Variants in SPAG16 observed in about 807,000 individuals in gnomAD.
SPAG16 encodes sperm associated antigen 16.
A neutral mutation model predicts 80.4 loss-of-function variants in SPAG16; 86 were observed. The ratio of observed to expected loss-of-function variants is 1.07; its 90% CI spans 0.90 to 1.28. The LOEUF (loss-of-function observed/expected upper bound fraction) is 1.28, where lower values mean the gene tolerates loss of function less well. SPAG16 is among the 50% of genes most tolerant of loss of function. The probability of loss-of-function intolerance (pLI) is 0.00; values close to 1 mark genes in which losing one functional copy is unlikely to be tolerated. For missense variants in SPAG16, 870 were observed against 765.3 expected, an observed-to-expected ratio of 1.14 and a Z score of -1.61; for synonymous variants, 294 against 265.9, an observed-to-expected ratio of 1.11 and a Z score of -1.03.
intron 15 of SPAG16, among the ~76,000 whole-genome samples, chr2:214,387,987 GA>G (rs146697255): frequency 0.053 from 8,027 of 151,690 alleles, 335 homozygotes; most frequent in Non-Finnish European, 0.076. Context: ...TCCAAGTGAT[GA>G]AAAAAATACC....
At chr2:214,279,225 T>C (rs577979898) in intron 15 of SPAG16, among the ~76,000 whole-genome samples, 3 of 152,102 alleles carry the variant, frequency 2.0e-5, no homozygotes, top group African/African-American at 7.2e-5. Context: ...GCCTCCCAAG[T>C]AGCTGGGCCT....
chr2:214,166,001 A>T (rs1415201486), intron 15 of SPAG16, among the ~76,000 whole-genome samples: 3 of 152,224 alleles, frequency 2.0e-5, no homozygotes, highest in Non-Finnish European at 4.4e-5. Context: ...ACTGAAGATT[A>T]TCTGAAAATA....
chr2:214,077,392 C>T (rs1381050851), intron 13 of SPAG16, among the ~76,000 whole-genome samples: 3 of 152,156 alleles, frequency 2.0e-5, no homozygotes. Flanking sequence ...TGAAGATTCC[C>T]AGTTTTATGT....
At chr2:213,485,754 G>C (rs2073946121) in intron 9 of SPAG16, among the ~76,000 whole-genome samples, 1 of 152,042 alleles carries the variant, frequency 6.6e-6, no homozygotes, top group South Asian at 2.1e-4. Context: ...TCCTGTGAAT[G>C]TTAGTTCAAT....
chr2:213,674,933 A>G (rs571805591), intron 10 of SPAG16, among the ~76,000 whole-genome samples: 51 of 149,886 alleles, frequency 3.4e-4, no homozygotes, highest in African/African-American at 1.1e-3. Flanking sequence ...TGGTATTTCT[A>G]GTTCTAGATC....
chr2:214,096,892 A>T lies in SPAG16; in HGVS notation c.1528-11304A>T, dbSNP rs146360887. Among the ~76,000 whole-genome samples, 1,123 of 152,148 alleles carry T rather than the reference A, an allele frequency of 7.4e-3. 16 individuals are homozygous for T. The highest frequency in any genetic ancestry group is 0.025 in the African/African-American group (1,050 of 41,528). On this transcript the variant is annotated intron_variant, in intron 13 of 15. Coordinates refer to ENST00000331683, the MANE Select transcript of SPAG16 (RefSeq NM_024532.5). ...CTTTGTTAATGATTACTCTGTTTCT[A>T]ATTTATATGCCAGTGAGATCATTTC...
chr2:214,229,168 G>A (rs920748750), intron 15 of SPAG16, among the ~76,000 whole-genome samples: 1 of 148,844 alleles, frequency 6.7e-6, no homozygotes, highest in Non-Finnish European at 1.5e-5. Context: ...AAAAAAAAAG[G>A]ATAATTTCAC....
intron 15 of SPAG16, among the ~76,000 whole-genome samples, chr2:214,245,860 A>G (rs1689803931): frequency 6.6e-6 from 1 of 152,220 alleles, no homozygotes. Flanking sequence ...ATATGTGTTC[A>G]AATATTCCCT....
At chr2:213,424,643 TA>T (rs1033059372) in intron 9 of SPAG16, among the ~76,000 whole-genome samples, 30 of 152,220 alleles carry the variant, frequency 2.0e-4, no homozygotes, top group African/African-American at 7.0e-4. Flanking sequence ...TCTAATGGCA[TA>T]AAAAATAAAT....
chr2:213,914,066 T>C (rs1239275539), intron 11 of SPAG16, among the ~76,000 whole-genome samples: 1 of 152,144 alleles, frequency 6.6e-6, no homozygotes, highest in Non-Finnish European at 1.5e-5. Context: ...TGTGGTAGCA[T>C]AGCTTAGTAA....
chr2:214,042,307 C>A (rs928385534), intron 13 of SPAG16, among the ~76,000 whole-genome samples: 2 of 151,718 alleles, frequency 1.3e-5, no homozygotes, highest in Non-Finnish European at 2.9e-5. Context: ...TTAAACTTGA[C>A]CCGGATATAT....
intron 12 of SPAG16, among the ~76,000 whole-genome samples, chr2:213,980,173 C>T (rs890518930): frequency 3.4e-5 from 5 of 147,300 alleles, no homozygotes; most frequent in Admixed American, 1.4e-4. Context: ...GGTGAAACCC[C>T]GTCTCTACTA....
In SPAG16 at chr2:213,914,054, A is replaced by G. The variant is rs375938253; in HGVS notation, c.1215-15906A>G. 3.9e-5 allele frequency among the ~76,000 whole-genome samples: 6 copies of G among 152,278 alleles called. No homozygotes were observed. In the South Asian group the frequency reaches 1.0e-3, roughly 26 times the overall value. ...TATTTAGACTGATGTTTGACCAAAC[A>G]TTGTGGTAGCATAGCTTAGTAAAAC... On this transcript the variant is annotated intron_variant, in intron 11 of 15. Transcript: ENST00000331683.
intron 13 of SPAG16, among the ~76,000 whole-genome samples, chr2:214,107,589 G>C (rs947675443): frequency 6.6e-6 from 1 of 152,102 alleles, no homozygotes; most frequent in South Asian, 2.1e-4. Flanking sequence ...GGATGTTTTT[G>C]TAGTTAATTT....
intron 13 of SPAG16, among the ~76,000 whole-genome samples, chr2:214,085,778 A>C (rs2051700542): frequency 6.6e-6 from 1 of 152,192 alleles, no homozygotes; most frequent in Admixed American, 6.5e-5. Context: ...TCAGTTATTC[A>C]TCATGATGTT....
chr2:213,557,304 C>T (rs1011943373), intron 10 of SPAG16, among the ~76,000 whole-genome samples: 1 of 152,108 alleles, frequency 6.6e-6, no homozygotes, highest in African/African-American at 2.4e-5. Flanking sequence ...TACACATGCA[C>T]AACATATGCT....
At position 213,752,669 on chromosome 2, in the gene SPAG16, C is replaced by T. The variant is rs532507240; in HGVS notation, c.1071-109816C>T. On this transcript the variant is annotated intron_variant, in intron 10 of 15. Transcript: ENST00000331683. ...GTTTTGTATTTGCTGCCTTCTTACT[C>T]TTTTTCTCTGCTTTGTATTTTGTGA... Among the ~76,000 whole-genome samples the T allele has an allele frequency of 4.6e-5, 7 of 152,230 alleles. No individual in the cohort carries two copies. The East Asian group carries it at 5.8e-4, about 13-fold the overall frequency.
intron 10 of SPAG16, among the ~76,000 whole-genome samples, chr2:213,562,048 A>G (rs1025168235): frequency 2.5e-4 from 38 of 152,206 alleles, no homozygotes; most frequent in African/African-American, 9.2e-4. Flanking sequence ...CATTTTCTGA[A>G]TTCTTACATG....
chr2:213,839,451 C>T (rs1357213971), intron 10 of SPAG16, among the ~76,000 whole-genome samples: 1 of 152,178 alleles, frequency 6.6e-6, no homozygotes, highest in East Asian at 1.9e-4. Flanking sequence ...TCCTATGAAA[C>T]TGTCTACCAT....
Sources: allele counts gnomAD v4.1 joint callset (sites outside exome capture counted in the v4.1 genomes callset), GRCh38; gene constraint gnomAD v4.1.1; transcripts MANE v1.5; gene names NCBI Gene and HGNC (gene_info 2026-07-23, HGNC 2026-07-21).